ZNF605: variants seen among roughly 807,000 people sequenced by gnomAD.
The protein encoded by ZNF605 is zinc finger protein 605.
ZNF605 carries 9 observed loss-of-function variants against 7.9 expected under a neutral mutation model. The ratio of observed to expected loss-of-function variants is 1.14; its 90% CI spans 0.68 to 1.98. The LOEUF is 1.98. ZNF605 is among the 30% of genes most tolerant of loss of function. The probability of loss-of-function intolerance (pLI) is 0.00; values close to 1 mark genes in which losing one functional copy is unlikely to be tolerated. For missense variants in ZNF605, 673 were observed against 762.4 expected (o/e 0.88, Z 1.38); for synonymous variants, 255 against 260.1 (o/e 0.98, Z 0.19).
chr12:132,930,450 G>C (rs1235614669), intron 4 of ZNF605, among the ~76,000 whole-genome samples: 2 of 152,132 alleles, frequency 1.3e-5, no homozygotes, highest in African/African-American at 4.8e-5. Flanking sequence ...AATGTAAACT[G>C]TATGAGTGTA....
chr12:132,942,738 C>A (rs1356216986), intron 3 of ZNF605, among the ~76,000 whole-genome samples: 1 of 152,300 alleles, frequency 6.6e-6, no homozygotes, highest in African/African-American at 2.4e-5. Flanking sequence ...AGTTTCCTGG[C>A]CAGTGTTCTG....
At chr12:132,954,990 C>T (rs1792308988) in intron 1 of ZNF605, among the ~76,000 whole-genome samples, 1 of 152,160 alleles carries the variant, frequency 6.6e-6, no homozygotes, top group South Asian at 2.1e-4. Flanking sequence ...CCATACTCGC[C>T]TCCGCTATTG....
intron 3 of ZNF605, chr12:132,945,336 C>T: frequency 9.2e-7 from 1 of 1,086,474 alleles, no homozygotes; most frequent in Non-Finnish European, 1.4e-6. Flanking sequence ...TATATTTTCT[C>T]TTATTTAAAT....
At chr12:132,949,108 G>A (rs1442320669) in intron 1 of ZNF605, among the ~76,000 whole-genome samples, 2 of 150,182 alleles carry the variant, frequency 1.3e-5, no homozygotes, top group Non-Finnish European at 3.0e-5. Flanking sequence ...CCTCTGAGGA[G>A]GAAAGCCTTC....
chr12:132,951,804 C>T (rs1408778020), intron 1 of ZNF605, among the ~76,000 whole-genome samples: 1 of 151,890 alleles, frequency 6.6e-6, no homozygotes, highest in Non-Finnish European at 1.5e-5. Context: ...GTACATCACA[C>T]ATCACACACA....
intron 3 of ZNF605, among the ~76,000 whole-genome samples, chr12:132,937,375 A>G (rs888678294): frequency 4.7e-4 from 72 of 151,946 alleles, no homozygotes; most frequent in Middle Eastern, 6.8e-3. Context: ...AAAAAAAAAA[A>G]AAAAAGAAAA....
intron 3 of ZNF605, among the ~76,000 whole-genome samples, chr12:132,939,918 C>A (rs1952417369): frequency 6.6e-6 from 1 of 151,766 alleles, no homozygotes; most frequent in Non-Finnish European, 1.5e-5. Flanking sequence ...CTGTAACACT[C>A]ACCGCGAAGG....
chr12:132,928,698 G>T (rs1952272640), intron 4 of ZNF605, among the ~76,000 whole-genome samples: 1 of 152,182 alleles, frequency 6.6e-6, no homozygotes, highest in Non-Finnish European at 1.5e-5. Context: ...GAGATGAAAA[G>T]ATCTGGCATG....
intron 3 of ZNF605, among the ~76,000 whole-genome samples, chr12:132,935,895 A>T (rs1387546019): frequency 2.4e-4 from 6 of 24,578 alleles, no homozygotes; most frequent in Non-Finnish European, 9.8e-4. Context: ...TCTGTCTTAA[A>T]AAAAAAAAAA....
At chr12:132,945,221 C>T in intron 3 of ZNF605, 2 of 613,060 alleles carry the variant, frequency 3.3e-6, no homozygotes, top group Non-Finnish European at 5.7e-6. Context: ...TCCTCGGCCT[C>T]CCAAAGGGCT....
chr12:132,941,536 A>G lies in ZNF605; in HGVS notation c.15+4085T>C, dbSNP rs1164574208. 6.6e-6 allele frequency among the ~76,000 whole-genome samples: 1 copy of G among 152,182 alleles called. No homozygotes were observed. Among genetic ancestry groups the G allele is most frequent in the East Asian group, 1.9e-4 (1 of 5,192 alleles). On this transcript the variant is annotated intron_variant, in intron 3 of 4. Transcript: ENST00000360187. This position sits in a 1 kb window ranked among gnomAD's most constrained non-coding sequence, Gnocchi z 5.1. ...TCTGAGAACAGCCCCAGTCCAAACT[A>G]CACATCAATAGGCCCAATCATGGGG...
At chr12:132,951,878 C>G (rs1952575081) in intron 1 of ZNF605, among the ~76,000 whole-genome samples, 2 of 146,406 alleles carry the variant, frequency 1.4e-5, no homozygotes, top group Non-Finnish European at 2.9e-5. Context: ...CTCATACACA[C>G]ATACACACTC....
chr12:132,946,963 C>T lies in ZNF605; in HGVS notation c.-162-1166G>A, dbSNP rs1290389526. ...ATAGATTTAAAAGGAGGAAAAAATCCCTAATTTTCCCTCATGCAAAATACA... is the reference window on the plus strand; with the variant it reads ...ATAGATTTAAAAGGAGGAAAAAATCTCTAATTTTCCCTCATGCAAAATACA... On this transcript the variant is annotated intron_variant, in intron 2 of 4. Transcript: ENST00000360187. 2.0e-5 allele frequency among the ~76,000 whole-genome samples: 3 copies of T among 152,270 alleles called. No individual in the cohort carries two copies. In the East Asian group the frequency reaches 5.8e-4, roughly 29 times the overall value.
intron 3 of ZNF605, among the ~76,000 whole-genome samples, chr12:132,940,946 C>T (rs1448764618): frequency 3.3e-5 from 5 of 151,928 alleles, no homozygotes; most frequent in African/African-American, 1.2e-4. Flanking sequence ...TTCGTGTCCA[C>T]GTGTACCCAG....
intron 1 of ZNF605, among the ~76,000 whole-genome samples, chr12:132,951,135 T>C (rs1952559300): frequency 6.8e-6 from 1 of 146,824 alleles, no homozygotes; most frequent in African/African-American, 2.6e-5. Context: ...CACAAGTACA[T>C]CACGCATACA....
chr12:132,934,543 C>T (rs1278612), intron 3 of ZNF605, among the ~76,000 whole-genome samples: 95,758 of 151,214 alleles, frequency 0.63, 31,642 homozygotes, highest in Non-Finnish European at 0.75. Context: ...CCATCTCTAC[C>T]AAAAATACAA....
chr12:132,952,822 C>T (rs1478014802), intron 1 of ZNF605, among the ~76,000 whole-genome samples: 1 of 152,060 alleles, frequency 6.6e-6, no homozygotes, highest in Non-Finnish European at 1.5e-5. Context: ...AGGAGAGGGC[C>T]AAAGGGCAAA....
chr12:132,953,731 A>T (rs1447685167), intron 1 of ZNF605, among the ~76,000 whole-genome samples: 1 of 151,830 alleles, frequency 6.6e-6, no homozygotes, highest in African/African-American at 2.4e-5. Context: ...AGCTAAGGCC[A>T]CTAACTTCTA....
At chr12:132,938,781 T>C (rs1167129975) in intron 3 of ZNF605, among the ~76,000 whole-genome samples, 10 of 151,408 alleles carry the variant, frequency 6.6e-5, no homozygotes, top group South Asian at 4.2e-4. Flanking sequence ...ACCGGGGCTG[T>C]GTGCGGCGCT....
Sources: gnomAD v4.1 joint callset for allele counts (sites outside exome capture counted in the v4.1 genomes callset) on GRCh38, gnomAD v4.1.1 for gene constraint, Gnocchi (gnomAD v3.1) non-coding constraint, MANE v1.5 for transcripts, NCBI Gene and HGNC (gene_info 2026-07-23, HGNC 2026-07-21) for gene names.